Variants in KANK3 observed in about 807,000 individuals in gnomAD.
The protein encoded by KANK3 is KN motif and ankyrin repeat domains 3, also known as KN motif and ankyrin repeat domain-containing protein 3.
KANK3 carries 61 observed loss-of-function variants against 65.4 expected under a neutral mutation model. The ratio of observed to expected loss-of-function variants is 0.93; its 90% CI spans 0.76 to 1.15. The LOEUF (loss-of-function observed/expected upper bound fraction) is 1.15. Among genes scored for constraint, KANK3 ranks in the 50% most tolerant of loss-of-function variants. The pLI is 0.00. For missense variants in KANK3, 1,187 were observed against 1,178.8 expected (o/e 1.01, Z -0.10); for synonymous variants, 586 against 543.3 (o/e 1.08, Z -1.09).
rs749763853 is a variant in KANK3, at chr19:8,325,095, C to T, written c.1938G>A (p.Gly646=). The change falls in exon 8 of 11, where the codon GGG becomes GGA. Residue 646 remains glycine (G), a splice_region_variant and synonymous_variant. Transcript: ENST00000330915. ...GGTTCTGGCGGTTGACCTCGCAGGC[C>T]CCTGGGAGAGAAAAGGGGGCCGTCC... ...LAIASLLLDT[G]ACEVNRQNRA... The T allele has an allele frequency of 6.2e-7, 1 of 1,609,294 alleles. No homozygotes were observed. Among genetic ancestry groups the T allele is most frequent in the Non-Finnish European group, 8.5e-7 (1 of 1,178,456 alleles).
chr19:8,340,275 C>CATATATATATATATATATATATATAT (rs1555684729), intron 1 of KANK3, among the ~76,000 whole-genome samples: 37 of 66,038 alleles, frequency 5.6e-4, no homozygotes, highest in African/African-American at 2.1e-3. Flanking sequence ...AAAAAAAAAC[C>CATATATATATATATATATATATATAT]ATATATATAT....
chr19:8,324,407 T>C, intron 10 of KANK3, 42 bp downstream of exon 10: 2 of 1,529,720 alleles, frequency 1.3e-6, no homozygotes, highest in South Asian at 2.4e-5. Context: ...GCAAACTGAA[T>C]TTGCAGCTGG....
At chr19:8,330,222 A>C (rs1259864711) in intron 7 of KANK3, among the ~76,000 whole-genome samples, 1 of 152,212 alleles carries the variant, frequency 6.6e-6, no homozygotes, top group East Asian at 1.9e-4. Context: ...CAGGGGCGTT[A>C]GTGTATGTGA....
At position 8,343,246 on chromosome 19, in the gene KANK3, C is replaced by CGCCCGCACCCGA. The variant is rs1970743257; in HGVS notation, c.-62_-51dup. ...TTACCTGAAGCCGCAGCCCCAGCCG[C>CGCCCGCACCCGA]GCCCGCACCCGAGCCCGCCCCCTCG... On this transcript the variant is annotated 5_prime_UTR_variant, in exon 1 of 11. Transcript: ENST00000330915. The CGCCCGCACCCGA allele has an allele frequency of 6.6e-6, 1 of 152,590 alleles. No homozygotes were observed. The highest frequency in any genetic ancestry group is 1.5e-5 in the Non-Finnish European group (1 of 68,326). The allele number at this position is 152,590 out of a possible 1,614,324, so 9.5% of individuals were successfully genotyped here.
Position 8,322,787 on chromosome 19 carries a change from A to C in KANK3, c.*52T>G. 7.3e-7 allele frequency: 1 copy of C among 1,375,170 alleles called. No homozygotes were observed. The highest frequency in any genetic ancestry group is 1.0e-6 in the Non-Finnish European group (1 of 970,252). The allele number at this position is 1,375,170 out of a possible 1,614,324, so 85.2% of individuals were successfully genotyped here. On this transcript the variant is annotated 3_prime_UTR_variant, in exon 11 of 11. Transcript: ENST00000330915. ...CTTCTGTGCGCCAAAGGCTGAGGTG[A>C]CTGACGAGGAGATCTCCCCACAGCT...
intron 10 of KANK3, 96 bp from the exon 11 acceptor site, chr19:8,323,018 C>T (rs1246078526): frequency 1.9e-5 from 13 of 689,074 alleles, no homozygotes; most frequent in Non-Finnish European, 2.8e-5. Context: ...GGTTCTTTTA[C>T]CATGGACCCA....
intron 7 of KANK3, among the ~76,000 whole-genome samples, chr19:8,330,952 C>A (rs1163262133): frequency 2.0e-5 from 3 of 151,740 alleles, no homozygotes; most frequent in African/African-American, 7.3e-5. Flanking sequence ...AATCCCAGCA[C>A]TTTGGGAGGC....
intron 2 of KANK3, among the ~76,000 whole-genome samples, chr19:8,336,304 G>C (rs1251008995): frequency 1.3e-5 from 2 of 152,036 alleles, no homozygotes; most frequent in Non-Finnish European, 2.9e-5. Context: ...GGCGGTAGTG[G>C]CGCGCGCCTG....
intron 7 of KANK3, among the ~76,000 whole-genome samples, chr19:8,330,932 T>C (rs1225623761): frequency 6.6e-6 from 1 of 151,358 alleles, no homozygotes; most frequent in Admixed American, 6.6e-5. Context: ...GCAAAGCGGC[T>C]AATGCTTGTA....
In KANK3 at chr19:8,334,951, C is replaced by A; in HGVS notation, c.876G>T (p.Gly292=). The change falls in exon 3 of 11, where the codon GGG becomes GGT. Residue 292 remains glycine, a synonymous_variant. Transcript: ENST00000330915. ...GGGTCTGGGGCGTCCCATCGAGACT[C>A]CCGACCTCCCCGTCGAGGACCTGGA... ...GALQVLDGEV[G]SLDGTPQTRE... 1 of 1,492,040 alleles carries A rather than the reference C, an allele frequency of 6.7e-7. No individual in the cohort carries two copies. The highest frequency in any genetic ancestry group is 1.5e-5 in the African/African-American group (1 of 68,748). The allele number at this position is 1,492,040 out of a possible 1,614,324, so 92.4% of individuals were successfully genotyped here. A position where few individuals can be genotyped will look rare whatever the true frequency, so the allele number is the denominator to read the frequency against.
chr19:8,326,481 TAAAAAAAAA>T (rs369948563), intron 7 of KANK3, among the ~76,000 whole-genome samples: 4,117 of 119,478 alleles, frequency 0.034, 186 homozygotes, highest in African/African-American at 0.1. Flanking sequence ...CCACCTGTTG[TAAAAAAAAA>T]AAAAAAAAAA....
chr19:8,325,517 C>T (rs1599640693), intron 7 of KANK3, among the ~76,000 whole-genome samples: 1 of 151,712 alleles, frequency 6.6e-6, no homozygotes, highest in East Asian at 2.0e-4. Flanking sequence ...AAGTGATCCA[C>T]CCACCGTAGC....
At chr19:8,335,854 A>T (rs1295204041) in intron 2 of KANK3, 62 bp from the exon 3 acceptor site, 14 of 1,135,940 alleles carry the variant, frequency 1.2e-5, no homozygotes, top group Non-Finnish European at 1.4e-5. Context: ...GGAGATACTA[A>T]ACAAACCGAG....
intron 2 of KANK3, 113 bp from the exon 3 acceptor site, chr19:8,335,905 C>T (rs1970630117): frequency 7.0e-6 from 5 of 717,318 alleles, no homozygotes; most frequent in African/African-American, 1.8e-5. Context: ...CCTATCTGTA[C>T]CCAAGTATTA....
rs571347825 is a variant in KANK3 at position 8,333,101 on chromosome 19, T to A, written c.1849A>T (p.Asn617Tyr). The change falls in exon 7 of 11, where the codon AAC becomes TAC. Residue 617 changes from asparagine to tyrosine, a missense_variant. Asn to Tyr is a moderately radical substitution (Grantham distance 143). Transcript: ENST00000330915. This position sits in a 1 kb window ranked among gnomAD's most constrained non-coding sequence, Gnocchi z 5.0. ...LGPELLAHVV[N>Y]LADGNGNTAL... The stretch of plus-strand genomic sequence containing the variant: ...GTGTTCCCGTTGCCATCCGCCAGGT[T>A]CACCACGTGCGCCAGCAGTTCGGGT... 2.2e-5 allele frequency: 35 copies of A among 1,612,592 alleles called. No homozygotes were observed. The South Asian group carries it at 3.3e-4, about 15-fold the overall frequency.
intron 1 of KANK3, among the ~76,000 whole-genome samples, chr19:8,338,971 G>A (rs890748514): frequency 6.6e-6 from 1 of 151,698 alleles, no homozygotes; most frequent in African/African-American, 2.4e-5. Context: ...GGGGAATTGC[G>A]GGCTGGATGC....
chr19:8,332,789 C>T (rs1222806483), intron 7 of KANK3: 1 of 216,142 alleles, frequency 4.6e-6, no homozygotes, highest in East Asian at 9.6e-5. Flanking sequence ...TGCACTCCTG[C>T]CTGGTGACAG....
intron 7 of KANK3, among the ~76,000 whole-genome samples, chr19:8,325,328 A>C (rs1970409040): frequency 1.5e-5 from 1 of 66,944 alleles, no homozygotes; most frequent in Non-Finnish European, 3.4e-5. Context: ...TTTTTGAGAC[A>C]TAGTCTCGCT....
intron 7 of KANK3, 29 bp downstream of exon 7, chr19:8,332,985 T>TTTTGGG: frequency 5.1e-6 from 3 of 585,686 alleles, no homozygotes; most frequent in East Asian, 3.5e-5. Flanking sequence ...CATTTCCTGG[T>TTTTGGG]GTCCCACCCA....
Sources: allele counts gnomAD v4.1 joint callset (sites outside exome capture counted in the v4.1 genomes callset), GRCh38; gene constraint gnomAD v4.1.1; non-coding constraint Gnocchi (gnomAD v3.1); transcripts MANE v1.5; gene names NCBI Gene and HGNC (gene_info 2026-07-23, HGNC 2026-07-21).